Variants in DEPDC1 observed in about 807,000 individuals in gnomAD.
DEPDC1 encodes DEP domain containing 1.
In DEPDC1, 66 loss-of-function variants were observed where a neutral mutation model predicts 86.8. The observed-to-expected ratio is 0.76, with a 90% CI of 0.62 to 0.93. The LOEUF is 0.93. Among genes scored for constraint, DEPDC1 ranks in the 40% least tolerant of loss-of-function variants. The pLI is 0.00. For synonymous variants in DEPDC1, 255 were observed against 314.9 expected, an observed-to-expected ratio of 0.81 and a Z score of 2.02; for missense variants, 792 against 935.7, an observed-to-expected ratio of 0.85 and a Z score of 2.00.
chr1:68,489,882 G>T (rs1169355490), intron 2 of DEPDC1, among the ~76,000 whole-genome samples: 2 of 151,752 alleles, frequency 1.3e-5, no homozygotes, highest in East Asian at 3.9e-4. Flanking sequence ...ACACAAAATG[G>T]CTCTAGAATG....
Position 68,481,528 on chromosome 1 carries a change from T to G in DEPDC1, c.1847A>C (p.Lys616Thr), listed in dbSNP as rs765285279. The change falls in exon 9 of 12, where the codon AAG becomes ACG. Residue 616 changes from lysine to threonine, a missense_variant. Transcript: ENST00000456315. The stretch of plus-strand genomic sequence containing the variant: ...AATCATACGCATTAAAAGTTGAAGC[T>G]TTCTACGATTTGGTGGGGGAAGTAA... The part of the protein sequence containing the change: ...CLLLPPPNRR[K>T]LQLLMRMISR... The G allele has an allele frequency of 6.2e-7, 1 of 1,612,292 alleles. No homozygotes were observed. The highest frequency in any genetic ancestry group is 1.1e-5 in the South Asian group (1 of 90,958).
At chr1:68,488,615 A>G (rs1646209012) in intron 4 of DEPDC1, 111 bp from the exon 5 acceptor site, 1 of 934,664 alleles carries the variant, frequency 1.1e-6, no homozygotes. Context: ...CCAAATTTCT[A>G]AGACTTATAT....
At chr1:68,488,844 T>C in intron 4 of DEPDC1, 72 bp downstream of exon 4, 1 of 969,684 alleles carries the variant, frequency 1.0e-6, no homozygotes, top group South Asian at 1.3e-5. Context: ...TTCATTTGCA[T>C]ATTTTGATGA....
At chr1:68,488,874 A>G (rs758610376) in intron 4 of DEPDC1, 42 bp downstream of exon 4, 1 of 1,164,292 alleles carries the variant, frequency 8.6e-7, no homozygotes, top group Non-Finnish European at 1.3e-6. Context: ...ATTAATAATC[A>G]GAACACATCA....
At position 68,491,169 on chromosome 1, in the gene DEPDC1, C is replaced by G. The variant is rs184889752; in HGVS notation, c.315-1561G>C. On this transcript the variant is annotated intron_variant, in intron 2 of 11. Transcript: ENST00000456315. Reference sequence around the variant, plus strand: ...ATGCTAAAAGCAGTTGCAACAAAAGCAAAAATTGACAAATGGACTGTAGTT... The same window carrying G: ...ATGCTAAAAGCAGTTGCAACAAAAGGAAAAATTGACAAATGGACTGTAGTT... Among the ~76,000 whole-genome samples, 4 of 152,138 alleles carry G rather than the reference C, an allele frequency of 2.6e-5. No individual in the cohort carries two copies. In the East Asian group the frequency reaches 7.7e-4, roughly 29 times the overall value.
intron 8 of DEPDC1, 24 bp downstream of exon 8, chr1:68,482,022 A>G: frequency 6.5e-7 from 1 of 1,541,228 alleles, no homozygotes; most frequent in Non-Finnish European, 8.7e-7. Context: ...TTAATATTGC[A>G]TGCATTGAAA....
At chr1:68,483,571 T>G (rs1430765508) in intron 7 of DEPDC1, 1 of 302,476 alleles carries the variant, frequency 3.3e-6, no homozygotes, top group African/African-American at 2.3e-5. Context: ...ATGGATGTGC[T>G]GGGATCACGG....
intron 1 of DEPDC1, 145 bp from the exon 2 acceptor site, chr1:68,494,840 G>T: frequency 1.3e-6 from 1 of 799,014 alleles, no homozygotes; most frequent in Non-Finnish European, 1.9e-6. Flanking sequence ...TCTTATTTGT[G>T]CCATATAAAA....
chr1:68,483,412 C>T (rs1646171568), intron 7 of DEPDC1: 2 of 472,216 alleles, frequency 4.2e-6, no homozygotes, highest in South Asian at 1.6e-5. Context: ...TCATCACCAA[C>T]TACAACCTTG....
chr1:68,489,395 A>G (rs955658500), intron 3 of DEPDC1, 57 bp downstream of exon 3: 1 of 1,204,852 alleles, frequency 8.3e-7, no homozygotes, highest in African/African-American at 1.6e-5. Context: ...TAATGATTCT[A>G]TCATTGAGTA....
Position 68,481,395 on chromosome 1 carries a change from T to C in DEPDC1, c.1935+45A>G, listed in dbSNP as rs566610962. ...TTTACGTAGTTTGGTTTTGTTATTT[T>C]GGTTTATGAATCAGACTTATTCTTT... On this transcript the variant is annotated intron_variant, in intron 9 of 11. Coordinates refer to ENST00000456315, the MANE Select transcript of DEPDC1 (RefSeq NM_001114120.3). 1.7e-5 allele frequency: 26 copies of C among 1,543,634 alleles called. No homozygotes were observed. The South Asian group carries it at 2.5e-4, about 15-fold the overall frequency.
chr1:68,490,344 C>A lies in DEPDC1; in HGVS notation c.315-736G>T, dbSNP rs577531802. On this transcript the variant is annotated intron_variant, in intron 2 of 11. Transcript: ENST00000456315. ...GTCCATGTGTTCTCATCAGTTAGCT[C>A]CCACTTGTAAGTGAGAGCATGTGAT... 1.4e-4 allele frequency among the ~76,000 whole-genome samples: 21 copies of A among 152,090 alleles called. No homozygotes were observed. The East Asian group carries it at 3.1e-3, about 22-fold the overall frequency.
At chr1:68,481,704 AAT>A (rs775162506) in intron 8 of DEPDC1, 92 bp from the exon 9 acceptor site, 54 of 996,002 alleles carry the variant, frequency 5.4e-5, no homozygotes, top group Admixed American at 1.3e-4. Flanking sequence ...AAGGTAAAAT[AAT>A]ATCTTAGTAT....
rs957134936 is a variant in DEPDC1, at chr1:68,475,287, T to C, written c.*1645A>G. 6 of 151,976 alleles carry C rather than the reference T, an allele frequency of 3.9e-5. No homozygotes were observed. Among genetic ancestry groups the C allele is most frequent in the African/African-American group, 1.2e-4 (5 of 41,418 alleles). 9.4% of individuals were successfully genotyped at this position (151,976 alleles called of 1,614,324 possible). ...GAAAGTTGCCTGCCTTTATTATTTA[T>C]ATATTTGTCTATAATACAAAAGCAA... On this transcript the variant is annotated 3_prime_UTR_variant, in exon 12 of 12. Transcript: ENST00000456315.
intron 5 of DEPDC1, 58 bp downstream of exon 5, chr1:68,488,316 T>A: frequency 6.6e-7 from 1 of 1,515,562 alleles, no homozygotes; most frequent in East Asian, 2.4e-5. Context: ...TTTACACTAC[T>A]ATAGCTGCAA....
chr1:68,488,474 T>C lies in DEPDC1; in HGVS notation c.621A>G (p.Leu207=), dbSNP rs773633270. The change falls in exon 5 of 12, where the codon CTA becomes CTG. Residue 207 remains leucine (L), a synonymous_variant. Coordinates refer to ENST00000456315, the MANE Select transcript of DEPDC1 (RefSeq NM_001114120.3). The part of the protein sequence containing the change: ...YLQTILGVPS[L]EEVINPKQVI... The stretch of plus-strand genomic sequence containing the variant: ...CTTGTTTTGGATTTATGACTTCTTC[T>C]AGGGATGGCACACCTAAAATGGTTT... 8.7e-6 allele frequency: 14 copies of C among 1,606,042 alleles called. No homozygotes were observed. Among genetic ancestry groups the C allele is most frequent in the East Asian group, 4.5e-5 (2 of 44,466 alleles).
At position 68,478,909 on chromosome 1, in the gene DEPDC1, A is replaced by G. The variant is rs542280792; in HGVS notation, c.2112+235T>C. ...TAACTCATGAACTTCAACTAGCCAC[A>G]TTCCTCATCATGTGAAGGAGCCATT... On this transcript the variant is annotated intron_variant, in intron 10 of 11. Coordinates refer to ENST00000456315, the MANE Select transcript of DEPDC1 (RefSeq NM_001114120.3). Among the ~76,000 whole-genome samples, 45 of 152,166 alleles carry G rather than the reference A, an allele frequency of 3.0e-4. 1 individual carries two copies. The highest frequency in any genetic ancestry group is 3.7e-4 in the Non-Finnish European group (25 of 67,972).
rs1213586267 is a variant in DEPDC1 at position 68,486,974 on chromosome 1, A to T, written c.732T>A (p.Pro244=). 1.2e-6 allele frequency: 2 copies of T among 1,603,044 alleles called. No homozygotes were observed. The highest frequency in any genetic ancestry group is 1.7e-5 in the Admixed American group (1 of 57,640). ...VILQNKSDDL[P]HWVLSAMKCL... ...ACTTCATGGCAGATAATACCCAGTG[A>T]GGGAGGTCATCTACACAAAAAGAAA... The change falls in exon 6 of 12, where the codon CCT becomes CCA. Residue 244 remains proline (P), a synonymous_variant. Transcript: ENST00000456315.
At chr1:68,489,311 T>C in intron 3 of DEPDC1, 141 bp downstream of exon 3, 2 of 576,450 alleles carry the variant, frequency 3.5e-6, no homozygotes, top group Non-Finnish European at 5.8e-6. Context: ...CAATTTTATA[T>C]ATACATATTT....
Sources: gnomAD v4.1 joint callset for allele counts (sites outside exome capture counted in the v4.1 genomes callset) on GRCh38, gnomAD v4.1.1 for gene constraint, MANE v1.5 for transcripts, NCBI Gene and HGNC (gene_info 2026-07-23, HGNC 2026-07-21) for gene names.